The following THSD7A variants were observed in gnomAD, a reference collection of about 807,000 sequenced individuals.
THSD7A encodes thrombospondin type-1 domain-containing protein 7A.
Under a neutral mutation model 231.3 loss-of-function variants are expected in THSD7A, and 96 were observed. That is an observed-to-expected ratio of 0.41 (90% confidence interval 0.35 to 0.49). The LOEUF is 0.49. Ranked by LOEUF, THSD7A falls within the 20% of genes least tolerant of loss-of-function variation. The pLI is 0.05. For missense variants in THSD7A, 2,290 were observed against 2,070.2 expected (o/e 1.11, Z -2.06); for synonymous variants, 940 against 743.3 (o/e 1.26, Z -4.30).
At chr7:11,786,382 AG>A (rs1311865604) in intron 1 of THSD7A, among the ~76,000 whole-genome samples, 27 of 152,090 alleles carry the variant, frequency 1.8e-4, no homozygotes, top group African/African-American at 6.0e-4. Context: ...CAAACAGGAG[AG>A]CTTGCCAGGA....
At chr7:11,546,407 C>G (rs116647375) in intron 4 of THSD7A, among the ~76,000 whole-genome samples, 3,733 of 152,196 alleles carry the variant, frequency 0.025, 51 homozygotes, top group East Asian at 0.052. Flanking sequence ...CTTGAGGGGC[C>G]AGAGAACAAA....
chr7:11,557,089 T>C (rs1241403744), intron 4 of THSD7A, among the ~76,000 whole-genome samples: 2 of 152,018 alleles, frequency 1.3e-5, no homozygotes, highest in Non-Finnish European at 2.9e-5. Context: ...TCTTCTGGAA[T>C]TCCAATGACA....
chr7:11,658,241 A>G (rs976242525), intron 1 of THSD7A, among the ~76,000 whole-genome samples: 7 of 151,838 alleles, frequency 4.6e-5, no homozygotes, highest in Admixed American at 2.0e-4. Flanking sequence ...GTCACTTATT[A>G]TTGTTGAAAA....
intron 23 of THSD7A, among the ~76,000 whole-genome samples, chr7:11,400,864 G>C (rs73282841): frequency 7.2e-5 from 11 of 152,232 alleles, no homozygotes; most frequent in African/African-American, 2.6e-4. Flanking sequence ...GCAGCATTAA[G>C]GGTTGTTTGT....
In THSD7A at chr7:11,518,617, A is replaced by ACACG. The variant is rs1216058410; in HGVS notation, c.1822+22798_1822+22801dup. On this transcript the variant is annotated intron_variant, in intron 6 of 27. Transcript: ENST00000423059. ...AATAGAAACACACACACACACACAC[A>ACACG]CACGCACACACAGGCACGCACACAT... Among the ~76,000 whole-genome samples, 6 of 151,974 alleles carry ACACG rather than the reference A, an allele frequency of 3.9e-5. No individual in the cohort carries two copies. The South Asian group carries it at 1.3e-3, about 32-fold the overall frequency.
intron 1 of THSD7A, among the ~76,000 whole-genome samples, chr7:11,767,152 A>G (rs911667868): frequency 6.6e-5 from 10 of 152,198 alleles, no homozygotes; most frequent in African/African-American, 2.2e-4. Flanking sequence ...CATAAGGAGA[A>G]GTAAACAGGG....
chr7:11,428,203 C>T (rs1784379053), intron 14 of THSD7A, among the ~76,000 whole-genome samples: 1 of 152,078 alleles, frequency 6.6e-6, no homozygotes, highest in East Asian at 1.9e-4. Context: ...AACTTAACAC[C>T]CACACATAAT....
chr7:11,787,439 CT>C (rs1197615955), intron 1 of THSD7A, among the ~76,000 whole-genome samples: 1 of 151,940 alleles, frequency 6.6e-6, no homozygotes, highest in Non-Finnish European at 1.5e-5. Context: ...AATTTATTCT[CT>C]GGGAAGACAC....
chr7:11,719,728 T>G (rs1323299737), intron 1 of THSD7A, among the ~76,000 whole-genome samples: 1 of 151,666 alleles, frequency 6.6e-6, no homozygotes, highest in Non-Finnish European at 1.5e-5. Flanking sequence ...AAAACTCTAT[T>G]CTTCTAGAAA....
intron 1 of THSD7A, among the ~76,000 whole-genome samples, chr7:11,805,427 A>T (rs1784374863): frequency 6.6e-6 from 1 of 151,628 alleles, no homozygotes; most frequent in African/African-American, 2.4e-5. Flanking sequence ...AAAAACTCAT[A>T]TACACAAAAA....
chr7:11,729,935 C>A (rs1036531498), intron 1 of THSD7A, among the ~76,000 whole-genome samples: 2 of 151,616 alleles, frequency 1.3e-5, no homozygotes, highest in African/African-American at 4.8e-5. Flanking sequence ...AAAAAGTCTT[C>A]CAGTCCTTTT....
chr7:11,574,556 TC>T (rs1342817487), intron 4 of THSD7A, among the ~76,000 whole-genome samples: 3 of 150,076 alleles, frequency 2.0e-5, no homozygotes, highest in Non-Finnish European at 3.0e-5. Flanking sequence ...CGCCTCAGCC[TC>T]CCGAGTAGCT....
At chr7:11,470,131 T>C (rs1785877453) in intron 8 of THSD7A, 137 bp from the exon 9 acceptor site, 7 of 658,846 alleles carry the variant, frequency 1.1e-5, no homozygotes, top group Non-Finnish European at 5.4e-6. Flanking sequence ...GGAGTCTTTC[T>C]TTCTGCTACA....
At chr7:11,705,899 G>A (rs949043216) in intron 1 of THSD7A, among the ~76,000 whole-genome samples, 3 of 150,902 alleles carry the variant, frequency 2.0e-5, no homozygotes, top group African/African-American at 7.3e-5. Context: ...AGCCCTTAAT[G>A]TAGGTTGTTT....
chr7:11,728,318 A>G (rs1371619314), intron 1 of THSD7A, among the ~76,000 whole-genome samples: 1 of 151,964 alleles, frequency 6.6e-6, no homozygotes, highest in Non-Finnish European at 1.5e-5. Flanking sequence ...GCCATGCTCA[A>G]CCTTTTCATA....
At chr7:11,503,918 A>G (rs540190397) in intron 6 of THSD7A, among the ~76,000 whole-genome samples, 4 of 152,312 alleles carry the variant, frequency 2.6e-5, no homozygotes, top group African/African-American at 9.6e-5. Flanking sequence ...TCAAAGAGCT[A>G]AAAGCAGAAG....
At chr7:11,522,328 C>G (rs1247696960) in intron 6 of THSD7A, among the ~76,000 whole-genome samples, 1 of 152,154 alleles carries the variant, frequency 6.6e-6, no homozygotes, top group Non-Finnish European at 1.5e-5. Flanking sequence ...AAGTAGGTAA[C>G]TTTCACCTAA....
intron 1 of THSD7A, among the ~76,000 whole-genome samples, chr7:11,796,411 C>T (rs1784127766): frequency 6.6e-6 from 1 of 151,480 alleles, no homozygotes; most frequent in Admixed American, 6.6e-5. Context: ...TAATTTTGTA[C>T]AGCTCTCGAC....
At chr7:11,710,299 A>G (rs932932904) in intron 1 of THSD7A, among the ~76,000 whole-genome samples, 1 of 150,720 alleles carries the variant, frequency 6.6e-6, no homozygotes, top group South Asian at 2.1e-4. Flanking sequence ...AATTAGAGCT[A>G]TTGCTCAGTG....
Sources: allele counts gnomAD v4.1 joint callset (sites outside exome capture counted in the v4.1 genomes callset), GRCh38; gene constraint gnomAD v4.1.1; transcripts MANE v1.5; gene names NCBI Gene and HGNC (gene_info 2026-07-23, HGNC 2026-07-21).